MTPAP: variants seen among roughly 807,000 people sequenced by gnomAD.
MTPAP encodes mitochondrial poly(A) polymerase, also known as poly(A) RNA polymerase, mitochondrial.
In MTPAP, 23 loss-of-function variants were observed where a neutral mutation model predicts 48.7. The observed-to-expected ratio is 0.47, with a 90% CI of 0.34 to 0.67. MTPAP has a LOEUF of 0.67. MTPAP is among the 30% of genes least tolerant of loss of function. The pLI is 0.01. For synonymous variants in MTPAP, 257 were observed against 254.1 expected (o/e 1.01, Z -0.11); for missense variants, 614 against 694.3 (o/e 0.88, Z 1.30).
chr10:30,340,150 G>T, intron 3 of MTPAP, 76 bp downstream of exon 3: 1 of 1,219,480 alleles, frequency 8.2e-7, no homozygotes, highest in South Asian at 1.3e-5. Flanking sequence ...AATGTAGCTT[G>T]AACATTTTAC....
In MTPAP at chr10:30,336,921, T is replaced by C. The variant is rs948167748; in HGVS notation, c.662A>G (p.Tyr221Cys). The change falls in exon 4 of 9, where the codon TAT becomes TGT. Residue 221 changes from tyrosine to cysteine, a missense_variant. Tyr to Cys is a radical substitution (Grantham distance 194). Around this residue, in one of 5 missense-constraint regions of MTPAP, gnomAD observed 261 missense variants for 355.4 expected, o/e 0.73. Coordinates refer to ENST00000263063, the MANE Select transcript of MTPAP (RefSeq NM_018109.4). Reference sequence around the variant, plus strand: ...GGGTCTGACTATGCAGTCTGGAAAATACGCGGCGGCCATGTCTTCAATAAG... The same window carrying C: ...GGGTCTGACTATGCAGTCTGGAAAACACGCGGCGGCCATGTCTTCAATAAG... ...CSLIEDMAAA[Y>C]FPDCIVRPFG... The C allele has an allele frequency of 1.9e-6, 3 of 1,613,216 alleles. No homozygotes were observed. The highest frequency in any genetic ancestry group is 2.5e-6 in the Non-Finnish European group (3 of 1,179,982).
chr10:30,340,196 C>A (rs201549204), intron 3 of MTPAP, 30 bp downstream of exon 3: 1 of 1,529,288 alleles, frequency 6.5e-7, no homozygotes, highest in East Asian at 2.3e-5. Flanking sequence ...ATACATAGTT[C>A]TAAAAGTTGA....
At chr10:30,342,122 G>A (rs978021471) in intron 1 of MTPAP, among the ~76,000 whole-genome samples, 5 of 152,100 alleles carry the variant, frequency 3.3e-5, no homozygotes, top group African/African-American at 1.2e-4. Flanking sequence ...TGTAGTCCCA[G>A]CTACTTGGGA....
intron 4 of MTPAP, 140 bp downstream of exon 4, chr10:30,336,660 CAAT>C: frequency 1.3e-6 from 1 of 754,002 alleles, no homozygotes; most frequent in Non-Finnish European, 2.3e-6. Flanking sequence ...ACCAAAGAAT[CAAT>C]AACAAATACA....
At chr10:30,325,226 C>T (rs11007984) in intron 5 of MTPAP, among the ~76,000 whole-genome samples, 12,088 of 151,982 alleles carry the variant, frequency 0.08, 1,582 homozygotes, top group African/African-American at 0.27. Context: ...TATTTTTATA[C>T]TAAAATTTGT....
intron 1 of MTPAP, among the ~76,000 whole-genome samples, chr10:30,347,752 G>A (rs867984718): frequency 9.2e-5 from 14 of 151,720 alleles, no homozygotes; most frequent in Middle Eastern, 6.8e-3. Context: ...TTAGCCAGGC[G>A]TGGTGCCACG....
At chr10:30,337,433 A>T (rs1457915978) in intron 3 of MTPAP, among the ~76,000 whole-genome samples, 6 of 152,062 alleles carry the variant, frequency 3.9e-5, no homozygotes, top group Non-Finnish European at 8.8e-5. Context: ...TCAAAAAAAA[A>T]TACTCTTTAA....
At chr10:30,331,956 A>T (rs1834673022) in intron 4 of MTPAP, among the ~76,000 whole-genome samples, 1 of 152,228 alleles carries the variant, frequency 6.6e-6, no homozygotes, top group East Asian at 1.9e-4. Flanking sequence ...CATGCAAAAA[A>T]GTCTAACACA....
chr10:30,316,982 CTGAA>C (rs772599938), intron 6 of MTPAP, among the ~76,000 whole-genome samples: 12 of 152,116 alleles, frequency 7.9e-5, no homozygotes, highest in African/African-American at 2.7e-4. Flanking sequence ...ATAATTATGA[CTGAA>C]TGATTAAATA....
At position 30,316,098 on chromosome 10, in the gene MTPAP, G is replaced by A; in HGVS notation, c.1312+20C>T. The A allele has an allele frequency of 2.5e-6, 4 of 1,609,982 alleles. No homozygotes were observed. Among genetic ancestry groups the A allele is most frequent in the Non-Finnish European group, 3.4e-6 (4 of 1,176,286 alleles). ...CCTGTTTCAATCCAGAAAGGATCAA[G>A]TAAACAGAAAGACACTTACCTAATG... On this transcript the variant is annotated intron_variant, in intron 7 of 8. Transcript: ENST00000263063.
intron 4 of MTPAP, among the ~76,000 whole-genome samples, chr10:30,327,244 T>C (rs1340977035): frequency 6.6e-6 from 1 of 151,906 alleles, no homozygotes; most frequent in Admixed American, 6.6e-5. Flanking sequence ...TCCTAGCACT[T>C]TGGGAGGCCA....
At position 30,311,401 on chromosome 10, in the gene MTPAP, T is replaced by C. The variant is rs1840590812; in HGVS notation, c.*2208A>G. 3.3e-5 allele frequency: 5 copies of C among 152,170 alleles called. No individual in the cohort carries two copies. Among genetic ancestry groups the C allele is most frequent in the Admixed American group, 3.3e-4 (5 of 15,274 alleles). The allele number at this position is 152,170 out of a possible 1,614,324, so 9.4% of individuals were successfully genotyped here. A position where few individuals can be genotyped will look rare whatever the true frequency, so the allele number is the denominator to read the frequency against. ...CATAAAATTTAAATGGGAAAAATTTTTAAAGTACTACAAACTCTAAATCTG... is the reference window on the plus strand; with the variant it reads ...CATAAAATTTAAATGGGAAAAATTTCTAAAGTACTACAAACTCTAAATCTG... On this transcript the variant is annotated 3_prime_UTR_variant, in exon 9 of 9. Transcript: ENST00000263063.
rs140134035 is a variant in MTPAP, at chr10:30,322,071, C to T, written c.1219+320G>A. Among the ~76,000 whole-genome samples, 161 of 152,194 alleles carry T rather than the reference C, an allele frequency of 1.1e-3. 1 individual carries two copies. Among genetic ancestry groups the T allele is most frequent in the African/African-American group, 3.7e-3 (153 of 41,534 alleles). On this transcript the variant is annotated intron_variant, in intron 6 of 8. Coordinates refer to ENST00000263063, the MANE Select transcript of MTPAP (RefSeq NM_018109.4). ...GAAAGTCATCTCTGAGACTGTGATC[C>T]AATCAAAAGTTGTATCTGAACAAGT...
In MTPAP at chr10:30,348,424, T is replaced by C. The variant is rs540278459; in HGVS notation, c.157+695A>G. Among the ~76,000 whole-genome samples the C allele has an allele frequency of 2.6e-5, 4 of 152,342 alleles. No individual in the cohort carries two copies. In the South Asian group the frequency reaches 8.3e-4, roughly 32 times the overall value. The stretch of plus-strand genomic sequence containing the variant: ...TGAACCATTTTCTACATCTGTAAAA[T>C]GGACACAGTGATACATTTCTTGCAA... On this transcript the variant is annotated intron_variant, in intron 1 of 8. Coordinates refer to ENST00000263063, the MANE Select transcript of MTPAP (RefSeq NM_018109.4).
At chr10:30,338,280 ATAACATAACAACATAACAT>A (rs143321679) in intron 3 of MTPAP, among the ~76,000 whole-genome samples, 60,772 of 151,042 alleles carry the variant, frequency 0.4, 15,199 homozygotes, top group Middle Eastern at 0.56. Context: ...GTAACATAAC[ATAACATAACAACATAACAT>A]TAACATAACA....
intron 4 of MTPAP, among the ~76,000 whole-genome samples, chr10:30,327,404 CAGG>C (rs1364885446): frequency 8.6e-5 from 13 of 151,088 alleles, no homozygotes; most frequent in Admixed American, 8.6e-4. Flanking sequence ...GAGGCTGAGG[CAGG>C]AGAATTACTT....
chr10:30,326,689 T>A lies in MTPAP; in HGVS notation c.781-54A>T, dbSNP rs34959427. Reference sequence around the variant, plus strand: ...AGCTTTTGGTAAAAAAAACAATTTTTTAATAAGCTTTTGTAAAAGAATGCT... The same window carrying A: ...AGCTTTTGGTAAAAAAAACAATTTTATAATAAGCTTTTGTAAAAGAATGCT... On this transcript the variant is annotated intron_variant, in intron 4 of 8. Transcript: ENST00000263063. 0.039 allele frequency: 53,620 copies of A among 1,379,008 alleles called. 1,239 individuals are homozygous for A. The highest frequency in any genetic ancestry group is 0.045 in the Non-Finnish European group (43,451 of 969,546). The allele number at this position is 1,379,008 out of a possible 1,614,324, so 85.4% of individuals were successfully genotyped here. A position where few individuals can be genotyped will look rare whatever the true frequency, so the allele number is the denominator to read the frequency against.
At chr10:30,327,845 CAA>C (rs71525585) in intron 4 of MTPAP, among the ~76,000 whole-genome samples, 4 of 84,130 alleles carry the variant, frequency 4.8e-5, no homozygotes, top group African/African-American at 9.7e-5. Flanking sequence ...GACTCCATCT[CAA>C]AAAAAAAAAA....
chr10:30,339,922 T>C, intron 3 of MTPAP: 1 of 391,420 alleles, frequency 2.6e-6, no homozygotes, highest in South Asian at 2.6e-5. Flanking sequence ...AAAAAGACAT[T>C]AGGAACCATA....
Sources: allele counts gnomAD v4.1 joint callset (sites outside exome capture counted in the v4.1 genomes callset), GRCh38; gene constraint gnomAD v4.1.1; regional missense constraint gnomAD v4.1.1; transcripts MANE v1.5; gene names NCBI Gene and HGNC (gene_info 2026-07-23, HGNC 2026-07-21).